REPIN1: variants seen among roughly 807,000 people sequenced by gnomAD.
REPIN1 encodes replication initiator 1.
Under a neutral mutation model 5.7 loss-of-function variants are expected in REPIN1, and 4 were observed. That is an observed-to-expected ratio of 0.71 (90% confidence interval 0.35 to 1.62). The LOEUF (loss-of-function observed/expected upper bound fraction) is 1.62, where lower values mean the gene tolerates loss of function less well. REPIN1 is among the 40% of genes most tolerant of loss of function. The probability of loss-of-function intolerance (pLI) is 0.05; values close to 1 mark genes in which losing one functional copy is unlikely to be tolerated. For missense variants in REPIN1, 854 were observed against 901.0 expected (o/e 0.95, Z 0.67); for synonymous variants, 410 against 386.2 (o/e 1.06, Z -0.72).
In REPIN1 at chr7:150,372,860, A is replaced by G; in HGVS notation, c.1790A>G (p.Asp597Gly). 1 of 1,613,092 alleles carries G rather than the reference A, an allele frequency of 6.2e-7. No homozygotes were observed. Among genetic ancestry groups the G allele is most frequent in the Non-Finnish European group, 8.5e-7 (1 of 1,180,016 alleles). The change falls in exon 3 of 3, where the codon GAC becomes GGC. Residue 597 changes from aspartate to glycine, a missense_variant. Around this residue, in one of 5 missense-constraint regions of REPIN1, gnomAD observed 101 missense variants for 124.7 expected, o/e 0.81. Transcript: ENST00000489432. ...LITHRKSHIR[D>G]GAFCCAICGQ... ...ACCCACCGCAAGAGCCACATCCGGG[A>G]CGGCGCCTTCTGCTGTGCCATCTGT...
In REPIN1 at chr7:150,372,305, C is replaced by T; in HGVS notation, c.1235C>T (p.Pro412Leu). 1.3e-6 allele frequency: 2 copies of T among 1,520,776 alleles called. No individual in the cohort carries two copies. 94.2% of individuals were successfully genotyped at this position (1,520,776 alleles called of 1,614,324 possible). Residue 412 changes from proline to leucine, a missense_variant, in exon 3 of 3, where the codon CCG becomes CTG. Physicochemically the swap from Pro to Leu is moderately conservative, Grantham distance 98. Transcript: ENST00000489432. ...GTACCTCTGAAACCGGCCCAGGAGC[C>T]GCCGCCAGGGGCCCCGCCAGAGCAC... ...PAVPLKPAQE[P>L]PPGAPPEHPQ...
At chr7:150,370,516 A>G (rs1799551921) in intron 2 of REPIN1, 1 of 521,862 alleles carries the variant, frequency 1.9e-6, no homozygotes, top group Non-Finnish European at 3.5e-6. Flanking sequence ...CTTGTCCTCC[A>G]GCCTCCTACG....
At chr7:150,370,443 C>T (rs967168104) in intron 2 of REPIN1, 4 of 393,536 alleles carry the variant, frequency 1.0e-5, no homozygotes, top group African/African-American at 2.1e-5. Context: ...GGTGGTCTGG[C>T]GTTAGACTGC....
Position 150,369,779 on chromosome 7 carries a change from G to C in REPIN1, c.68G>C (p.Arg23Pro). The change falls in exon 2 of 3, where the codon CGA becomes CCA. Residue 23 changes from arginine (R) to proline (P), a missense_variant. Arg to Pro is a moderately radical substitution (Grantham distance 103, BLOSUM62 -2). This residue lies in a region of REPIN1 where 409 missense variants were observed against 418.6 expected (regional missense o/e 0.98). Transcript: ENST00000489432. Reference protein sequence around the residue: ...LTPGGYRSVGRSRRCSRGSIP... With the variant: ...LTPGGYRSVGPSRRCSRGSIP... ...CCTGGGGGCTACCGGAGTGTGGGCC[G>C]AAGCAGGCGCTGCAGCCGCGGAAGT... is the stretch of plus-strand genomic sequence containing the variant. 6.2e-7 allele frequency: 1 copy of C among 1,613,872 alleles called. No homozygotes were observed. The highest frequency in any genetic ancestry group is 8.5e-7 in the Non-Finnish European group (1 of 1,179,794).
At position 150,370,125 on chromosome 7, in the gene REPIN1, G is replaced by A. The variant is rs913012769; in HGVS notation, c.157+257G>A. On this transcript the variant is annotated intron_variant, in intron 2 of 2. Transcript: ENST00000489432. Reference sequence around the variant, plus strand: ...GCCTAACTGCTTCCTTCCTCCTTCCGCGGAGGAGGCTCCTGTGCAGGAATC... The same window carrying A: ...GCCTAACTGCTTCCTTCCTCCTTCCACGGAGGAGGCTCCTGTGCAGGAATC... The A allele has an allele frequency of 2.8e-5, 12 of 423,782 alleles. No homozygotes were observed. In the South Asian group the frequency reaches 4.8e-4, roughly 17 times the overall value. 26.3% of individuals were successfully genotyped at this position (423,782 alleles called of 1,614,324 possible).
At position 150,372,579 on chromosome 7, in the gene REPIN1, G is replaced by A. The variant is rs763859691; in HGVS notation, c.1509G>A (p.Leu503=). The change falls in exon 3 of 3, where the codon CTG becomes CTA. Residue 503 remains leucine, a synonymous_variant. Coordinates refer to ENST00000489432, the MANE Select transcript of REPIN1 (RefSeq NM_001099695.2). ...CGRRFSQGSH[L]AAHRRDHAPD... is the part of the protein sequence containing the mutation. ...GCCGCTTCTCCCAGGGCAGCCATCT[G>A]GCGGCGCATCGGCGCGACCACGCCC... The A allele has an allele frequency of 6.2e-7, 1 of 1,601,572 alleles. No homozygotes were observed. The highest frequency in any genetic ancestry group is 8.5e-7 in the Non-Finnish European group (1 of 1,176,630).
Position 150,371,543 on chromosome 7 carries a change from C to G in REPIN1, c.473C>G (p.Ala158Gly). Residue 158 changes from alanine (A) to glycine (G), a missense_variant, in exon 3 of 3, where the codon GCA becomes GGA. Physicochemically the swap from Ala to Gly is moderately conservative, Grantham distance 60. This residue lies in a region of REPIN1 where 409 missense variants were observed against 418.6 expected (regional missense o/e 0.98). Coordinates refer to ENST00000489432, the MANE Select transcript of REPIN1 (RefSeq NM_001099695.2). ...CGCTTTCGCCATGCCCCCTTCTTAG[C>G]ACTGCACCGCCAGGTCCATGCTGCT... Reference protein sequence around the residue: ...GRRFRHAPFLALHRQVHAAAT... With the variant: ...GRRFRHAPFLGLHRQVHAAAT... The G allele has an allele frequency of 8.1e-6, 13 of 1,605,064 alleles. No homozygotes were observed. Among genetic ancestry groups the G allele is most frequent in the Non-Finnish European group, 1.1e-5 (13 of 1,179,532 alleles).
rs1799141271 is a variant in REPIN1 at position 150,368,956 on chromosome 7, G to C, written c.-42+15G>C. 2.7e-6 allele frequency: 1 copy of C among 377,092 alleles called. No individual in the cohort carries two copies. 23.4% of individuals were successfully genotyped at this position (377,092 alleles called of 1,614,324 possible). On this transcript the variant is annotated intron_variant, in intron 1 of 2. Coordinates refer to ENST00000489432, the MANE Select transcript of REPIN1 (RefSeq NM_001099695.2). ...CCGCCGCAGAGGTACGGCCGGGGCA[G>C]GGGCGCGGGGCCACCGCGGGCCCGC...
chr7:150,369,581 G>C (rs1470847064), intron 1 of REPIN1, 90 bp from the exon 2 acceptor site: 2 of 1,142,258 alleles, frequency 1.8e-6, no homozygotes, highest in Non-Finnish European at 2.5e-6. Context: ...TGGCTTTGTG[G>C]GGGGAGGGGT....
intron 1 of REPIN1, chr7:150,369,456 T>G (rs1247398782): frequency 1.9e-6 from 1 of 531,110 alleles, no homozygotes; most frequent in Non-Finnish European, 3.4e-6. Flanking sequence ...GGGAAGAAAG[T>G]GACCCCGAAA....
intron 1 of REPIN1, chr7:150,369,238 G>T (rs1799229000): frequency 7.7e-6 from 3 of 387,862 alleles, no homozygotes; most frequent in Non-Finnish European, 1.4e-5. Flanking sequence ...CAGCCGCGAT[G>T]CGGAAGGGGA....
chr7:150,369,698 G>C lies in REPIN1; in HGVS notation c.-14G>C, dbSNP rs780079353. On this transcript the variant is annotated 5_prime_UTR_variant, in exon 2 of 3. Transcript: ENST00000489432. ...AAGGCTGGCCTCTCTGCAGTCAGAGGTCTGAGCTCTGCCATGGGGATAGGG... is the reference window on the plus strand; with the variant it reads ...AAGGCTGGCCTCTCTGCAGTCAGAGCTCTGAGCTCTGCCATGGGGATAGGG... The C allele has an allele frequency of 1.9e-6, 3 of 1,613,754 alleles. No homozygotes were observed. The African/African-American group carries it at 4.0e-5, about 22-fold the overall frequency.
At chr7:150,368,993 C>T in intron 1 of REPIN1, 52 bp downstream of exon 1, 1 of 380,024 alleles carries the variant, frequency 2.6e-6, no homozygotes, top group Non-Finnish European at 4.7e-6. Flanking sequence ...GGGGGCCGCT[C>T]CACCTGCGGG....
chr7:150,373,133 A>G lies in REPIN1; in HGVS notation c.*188A>G, dbSNP rs1177643973. 1 of 823,436 alleles carries G rather than the reference A, an allele frequency of 1.2e-6. No homozygotes were observed. Among genetic ancestry groups the G allele is most frequent in the Admixed American group, 2.9e-5 (1 of 33,952 alleles). 51.0% of individuals were successfully genotyped at this position (823,436 alleles called of 1,614,324 possible). ...AGAGGTCAACCCCGGTGGCCAGGGAACCCACTTCCAAGCGCAGGGACGCCG... is the reference window on the plus strand; with the variant it reads ...AGAGGTCAACCCCGGTGGCCAGGGAGCCCACTTCCAAGCGCAGGGACGCCG... On this transcript the variant is annotated 3_prime_UTR_variant, in exon 3 of 3. Coordinates refer to ENST00000489432, the MANE Select transcript of REPIN1 (RefSeq NM_001099695.2).
Position 150,373,263 on chromosome 7 carries a change from G to T in REPIN1, c.*318G>T, listed in dbSNP as rs1346977183. 2 of 407,368 alleles carry T rather than the reference G, an allele frequency of 4.9e-6. No individual in the cohort carries two copies. The highest frequency in any genetic ancestry group is 9.2e-6 in the Non-Finnish European group (2 of 216,402). The allele number at this position is 407,368 out of a possible 1,614,324, so 25.2% of individuals were successfully genotyped here. ...AGCCCTCTGGCTAGAGGAGCCACCA[G>T]TGGAAAGGAAGACCCTCCATCCTCT... On this transcript the variant is annotated 3_prime_UTR_variant, in exon 3 of 3. Transcript: ENST00000489432.
rs201868330 is a variant in REPIN1 at position 150,371,711 on chromosome 7, G to T, written c.641G>T (p.Arg214Leu). Reference protein sequence around the residue: ...CPKCERRFWRRKQLRAHLRRC... With the variant: ...CPKCERRFWRLKQLRAHLRRC... ...AAATGCGAGAGACGCTTCTGGCGAC[G>T]AAAGCAGCTTCGAGCTCATCTGCGG... The change falls in exon 3 of 3, where the codon CGA (arginine) becomes CTA (leucine). Residue 214 changes from arginine (R) to leucine (L), a missense_variant. Physicochemically the swap from Arg to Leu is moderately radical, Grantham distance 102 (BLOSUM62 -2). Transcript: ENST00000489432. 1.2e-6 allele frequency: 2 copies of T among 1,607,592 alleles called. No individual in the cohort carries two copies. Among genetic ancestry groups the T allele is most frequent in the African/African-American group, 1.3e-5 (1 of 75,056 alleles).
At position 150,371,472 on chromosome 7, in the gene REPIN1, C is replaced by CA. The variant is rs2129620083; in HGVS notation, c.402_403insA (p.Arg135ThrfsTer12). ...GGGTGGCTCTGTGGCTTCACACCCG[C>CA]CGGTGCCAGGCCCGGCTGCCCTTGC... On this transcript the variant is annotated frameshift_variant, in exon 3 of 3. Coordinates refer to ENST00000489432, the MANE Select transcript of REPIN1 (RefSeq NM_001099695.2). LOFTEE classifies it low-confidence loss of function (END_TRUNC). 13 of 1,607,526 alleles carry CA rather than the reference C, an allele frequency of 8.1e-6. No homozygotes were observed. In the South Asian group the frequency reaches 1.4e-4, roughly 18 times the overall value.
intron 1 of REPIN1, chr7:150,369,320 G>A (rs1248140127): frequency 1.5e-5 from 6 of 409,620 alleles, no homozygotes; most frequent in East Asian, 9.1e-5. Context: ...AATTCCTGTC[G>A]GGAGGAGGCT....
In REPIN1 at chr7:150,372,619, G is replaced by T. The variant is rs530357423; in HGVS notation, c.1549G>T (p.Val517Leu). ...CGACCACGCCCCCGATCGGCCCTTC[G>T]TGTGTCCCGACTGCGGCAAGGCCTT... ...RRDHAPDRPF[V>L]CPDCGKAFRH... The change falls in exon 3 of 3, where the codon GTG becomes TTG. Residue 517 changes from valine to leucine, a missense_variant. Coordinates refer to ENST00000489432, the MANE Select transcript of REPIN1 (RefSeq NM_001099695.2). 8.1e-6 allele frequency: 13 copies of T among 1,609,578 alleles called. No homozygotes were observed. The highest frequency in any genetic ancestry group is 1.1e-5 in the Non-Finnish European group (13 of 1,179,488).
Sources: allele counts gnomAD v4.1 joint callset, GRCh38; gene constraint gnomAD v4.1.1; regional missense constraint gnomAD v4.1.1; transcripts MANE v1.5; gene names NCBI Gene and HGNC (gene_info 2026-07-23, HGNC 2026-07-21).